MYT1L: variants seen among roughly 807,000 people sequenced by gnomAD.
MYT1L encodes the protein myelin transcription factor 1-like protein.
MYT1L carries 12 observed loss-of-function variants against 126.7 expected under a neutral mutation model. That is an observed-to-expected ratio of 0.09 (90% CI 0.06 to 0.15). The LOEUF is 0.15. Ranked by LOEUF, MYT1L falls within the 10% of genes least tolerant of loss-of-function variation. The probability of loss-of-function intolerance (pLI) is 1.00; values close to 1 mark genes in which losing one functional copy is unlikely to be tolerated. For missense variants in MYT1L, 979 were observed against 1,585.2 expected (o/e 0.62, Z 6.49); for synonymous variants, 541 against 604.2 (o/e 0.90, Z 1.53).
intron 2 of MYT1L, among the ~76,000 whole-genome samples, chr2:2,227,288 T>C (rs1390342812): frequency 6.6e-6 from 1 of 152,192 alleles, no homozygotes; most frequent in Non-Finnish European, 1.5e-5. Context: ...AGCGTATTTC[T>C]AGACTGAGAC....
chr2:2,139,588 G>T (rs998640402), intron 3 of MYT1L, among the ~76,000 whole-genome samples: 1 of 151,868 alleles, frequency 6.6e-6, no homozygotes, highest in South Asian at 2.1e-4. Context: ...GCAGTAAGCC[G>T]AGATTGCACC....
rs558734282 is a variant in MYT1L at position 1,966,477 on chromosome 2, C to T, written c.152+12688G>A. 1.3e-4 allele frequency among the ~76,000 whole-genome samples: 20 copies of T among 152,242 alleles called. No homozygotes were observed. The South Asian group carries it at 4.2e-3, about 32-fold the overall frequency. On this transcript the variant is annotated intron_variant, in intron 8 of 24. Transcript: ENST00000647738. ...TGTGGGTGTAAACAGGTCTGATCTT[C>T]CTGGAGAGAGGCTCTTCTGGAAACA...
Position 1,923,177 on chromosome 2 carries a change from C to T in MYT1L, c.592G>A (p.Asp198Asn), listed in dbSNP as rs757649588. 3 of 1,613,958 alleles carry T rather than the reference C, an allele frequency of 1.9e-6. No individual in the cohort carries two copies. The highest frequency in any genetic ancestry group is 1.7e-5 in the Admixed American group (1 of 60,034). ...DNNNDEYDNY[D>N]ELVAKSLLNL... is the part of the protein sequence containing the mutation. Reference sequence around the variant, plus strand: ...AACAATGACTTGGCCACCAGTTCATCGTAATTGTCATATTCGTCATTATTG... The same window carrying T: ...AACAATGACTTGGCCACCAGTTCATTGTAATTGTCATATTCGTCATTATTG... The change falls in exon 10 of 25, where the codon GAT becomes AAT. Residue 198 changes from aspartate to asparagine, a missense_variant. Asp to Asn is a conservative substitution (Grantham distance 23). Around this residue, in one of 12 missense-constraint regions of MYT1L, gnomAD observed 243 missense variants for 363.9 expected, o/e 0.67. Coordinates refer to ENST00000647738, the MANE Select transcript of MYT1L (RefSeq NM_001303052.2).
rs1449848277 is a variant in MYT1L, at chr2:1,949,036, T to A, written c.153-5702A>T. 2.6e-5 allele frequency among the ~76,000 whole-genome samples: 4 copies of A among 152,348 alleles called. No individual in the cohort carries two copies. The East Asian group carries it at 7.7e-4, about 29-fold the overall frequency. On this transcript the variant is annotated intron_variant, in intron 8 of 24. Transcript: ENST00000647738. ...TGAAACTTCAAAGAAGTCGTAAATA[T>A]GATCACTAGTAAGATCACGGTAGCT...
chr2:2,060,336 A>G (rs2070229223), intron 3 of MYT1L, among the ~76,000 whole-genome samples: 1 of 152,202 alleles, frequency 6.6e-6, no homozygotes, highest in South Asian at 2.1e-4. Context: ...TAACTTTGTC[A>G]TTATTAATAT....
chr2:2,210,202 C>G (rs1395439908), intron 2 of MYT1L, among the ~76,000 whole-genome samples: 1 of 152,026 alleles, frequency 6.6e-6, no homozygotes, highest in Non-Finnish European at 1.5e-5. Flanking sequence ...GATCCCTTGT[C>G]AGATAGGTTG....
At chr2:1,816,513 A>T (rs543857217) in intron 21 of MYT1L, 1 of 152,994 alleles carries the variant, frequency 6.5e-6, no homozygotes, top group East Asian at 1.9e-4. Context: ...GATCCAGCAG[A>T]GAAACCAGCC....
chr2:1,831,463 G>A (rs775361503), intron 21 of MYT1L, among the ~76,000 whole-genome samples: 8 of 152,086 alleles, frequency 5.3e-5, no homozygotes, highest in South Asian at 2.1e-4. Context: ...TACTGCCAAC[G>A]TCGTTCCTCC....
chr2:2,116,732 A>T (rs2080256490), intron 3 of MYT1L, among the ~76,000 whole-genome samples: 1 of 152,252 alleles, frequency 6.6e-6, no homozygotes, highest in Non-Finnish European at 1.5e-5. Flanking sequence ...AAGCCAGGCC[A>T]TGTAAGACCA....
At chr2:2,106,523 CAGG>C (rs1174205530) in intron 3 of MYT1L, among the ~76,000 whole-genome samples, 1 of 152,096 alleles carries the variant, frequency 6.6e-6, no homozygotes, top group African/African-American at 2.4e-5. Context: ...GAGGCTGAGG[CAGG>C]AGAATTGCTT....
intron 8 of MYT1L, among the ~76,000 whole-genome samples, chr2:1,961,639 C>T (rs2058970333): frequency 6.6e-6 from 1 of 152,224 alleles, no homozygotes; most frequent in South Asian, 2.1e-4. Context: ...GCTACACAAA[C>T]TCTTTTAATA....
intron 4 of MYT1L, among the ~76,000 whole-genome samples, chr2:2,050,743 C>T (rs961056567): frequency 1.3e-5 from 2 of 152,038 alleles, no homozygotes; most frequent in Admixed American, 6.6e-5. Context: ...GAGCTGAGAG[C>T]GGCAGAAGGT....
intron 21 of MYT1L, among the ~76,000 whole-genome samples, chr2:1,820,373 T>G (rs1468902307): frequency 6.6e-6 from 1 of 152,178 alleles, no homozygotes; most frequent in Non-Finnish European, 1.5e-5. Context: ...GTATCCCCAC[T>G]CCAGGTTCTC....
intron 2 of MYT1L, among the ~76,000 whole-genome samples, chr2:2,194,649 C>T (rs1278138379): frequency 1.3e-5 from 2 of 152,116 alleles, no homozygotes; most frequent in East Asian, 3.9e-4. Context: ...GAAACTGACA[C>T]TTGTCTGGCT....
chr2:2,056,025 T>C (rs2069500946), intron 3 of MYT1L, among the ~76,000 whole-genome samples: 1 of 152,252 alleles, frequency 6.6e-6, no homozygotes, highest in South Asian at 2.1e-4. Flanking sequence ...TGACTGATCA[T>C]TGTCAGGAGA....
intron 3 of MYT1L, among the ~76,000 whole-genome samples, chr2:2,068,205 G>A (rs1166431774): frequency 2.0e-5 from 3 of 152,174 alleles, no homozygotes; most frequent in Non-Finnish European, 4.4e-5. Flanking sequence ...AGAATGTGGG[G>A]ATGAGCTGAG....
intron 4 of MYT1L, among the ~76,000 whole-genome samples, chr2:2,030,075 A>G (rs1009033696): frequency 1.3e-5 from 2 of 152,062 alleles, no homozygotes; most frequent in African/African-American, 4.8e-5. Flanking sequence ...GATGGGCATG[A>G]GGAATTGTTT....
chr2:1,866,048 C>A (rs967351579), intron 18 of MYT1L, among the ~76,000 whole-genome samples: 2 of 152,158 alleles, frequency 1.3e-5, no homozygotes, highest in Non-Finnish European at 2.9e-5. Context: ...TGTGACAGTG[C>A]TGCAGCAGGG....
chr2:1,934,875 T>C (rs2055637563), intron 9 of MYT1L, among the ~76,000 whole-genome samples: 1 of 152,096 alleles, frequency 6.6e-6, no homozygotes. Context: ...GGAGCAGAGA[T>C]AAGACTGTGA....
Sources: gnomAD v4.1 joint callset for allele counts (sites outside exome capture counted in the v4.1 genomes callset) on GRCh38, gnomAD v4.1.1 for gene constraint, gnomAD v4.1.1 regional missense constraint, MANE v1.5 for transcripts, NCBI Gene and HGNC (gene_info 2026-07-23, HGNC 2026-07-21) for gene names.